Variants in STXBP5 observed in about 807,000 individuals in gnomAD.
STXBP5 encodes the protein syntaxin binding protein 5, also known as syntaxin-binding protein 5.
In STXBP5, 50 loss-of-function variants were observed where a neutral mutation model predicts 152.4. That is an observed-to-expected ratio of 0.33 (90% CI 0.26 to 0.42). The LOEUF (loss-of-function observed/expected upper bound fraction) is 0.42. Among genes scored for constraint, STXBP5 ranks in the 10% least tolerant of loss-of-function variants. STXBP5 has a pLI of 1.00. For synonymous variants in STXBP5, 492 were observed against 494.7 expected (o/e 0.99, Z 0.07); for missense variants, 1,167 against 1,388.6 (o/e 0.84, Z 2.54).
At chr6:147,337,584 GAT>G (rs1783893537) in intron 19 of STXBP5, among the ~76,000 whole-genome samples, 1 of 151,686 alleles carries the variant, frequency 6.6e-6, no homozygotes, top group Admixed American at 6.6e-5. Flanking sequence ...ATTATGTATA[GAT>G]ATGTTATCCT....
chr6:147,235,143 C>A, intron 2 of STXBP5, 107 bp from the exon 3 acceptor site: 1 of 837,786 alleles, frequency 1.2e-6, no homozygotes, highest in Non-Finnish European at 1.9e-6. Context: ...AGTAAATGGC[C>A]TGTATTGAAT....
intron 23 of STXBP5, among the ~76,000 whole-genome samples, chr6:147,362,666 A>G (rs1007824435): frequency 4.6e-5 from 7 of 152,220 alleles, no homozygotes; most frequent in Admixed American, 1.3e-4. Flanking sequence ...TAGAGATGCA[A>G]TGCAAAGCCA....
chr6:147,371,127 TCTA>T (rs1233530029), intron 25 of STXBP5, among the ~76,000 whole-genome samples: 2 of 152,174 alleles, frequency 1.3e-5, no homozygotes, highest in African/African-American at 4.8e-5. Flanking sequence ...AGAAATACCA[TCTA>T]CTATGAATAG....
rs1777187931 is a variant in STXBP5 at position 147,216,743 on chromosome 6, A to G, written c.248+10675A>G. On this transcript the variant is annotated intron_variant, in intron 2 of 27. Coordinates refer to ENST00000321680, the MANE Select transcript of STXBP5 (RefSeq NM_001127715.4). ...TAACATGCTGAGCATATTTCTTTAT[A>G]TTTATTGGAGCTATGATTTTAACGT... Among the ~76,000 whole-genome samples, 9 of 152,284 alleles carry G rather than the reference A, an allele frequency of 5.9e-5. No homozygotes were observed. In the South Asian group the frequency reaches 1.9e-3, roughly 32 times the overall value.
chr6:147,255,276 G>A (rs577195353), intron 4 of STXBP5, among the ~76,000 whole-genome samples: 221 of 152,036 alleles, frequency 1.5e-3, no homozygotes, highest in African/African-American at 4.8e-3. Flanking sequence ...TGAGAACACA[G>A]AAGTGAACAT....
chr6:147,299,102 TAAAATC>T (rs1223464197), intron 9 of STXBP5, among the ~76,000 whole-genome samples: 1 of 151,918 alleles, frequency 6.6e-6, no homozygotes, highest in Non-Finnish European at 1.5e-5. Flanking sequence ...TCTGAAAAGT[TAAAATC>T]AAACCTTTAG....
intron 21 of STXBP5, among the ~76,000 whole-genome samples, chr6:147,339,908 G>A (rs1451221088): frequency 6.6e-6 from 1 of 151,916 alleles, no homozygotes; most frequent in East Asian, 1.9e-4. Flanking sequence ...TGCTTCTTGT[G>A]ATTGTTTTTG....
chr6:147,241,324 C>A (rs1460257430), intron 4 of STXBP5, among the ~76,000 whole-genome samples: 1 of 152,096 alleles, frequency 6.6e-6, no homozygotes, highest in Non-Finnish European at 1.5e-5. Flanking sequence ...TAATAAGGTT[C>A]ACTATTTGTG....
chr6:147,260,571 G>A (rs750083526), intron 4 of STXBP5, 44 bp from the exon 5 acceptor site: 1 of 1,611,504 alleles, frequency 6.2e-7, no homozygotes, highest in South Asian at 1.1e-5. Context: ...AGTAAAATTT[G>A]CCATTTTTCA....
At chr6:147,213,634 G>A (rs1230985353) in intron 2 of STXBP5, among the ~76,000 whole-genome samples, 1 of 151,872 alleles carries the variant, frequency 6.6e-6, no homozygotes, top group Admixed American at 6.6e-5. Flanking sequence ...TTAATAATTA[G>A]GATATCAGTA....
At chr6:147,223,045 A>G (rs1777537442) in intron 2 of STXBP5, among the ~76,000 whole-genome samples, 1 of 152,214 alleles carries the variant, frequency 6.6e-6, no homozygotes, top group Non-Finnish European at 1.5e-5. Flanking sequence ...CACTTCTCTT[A>G]CAGATCTTTA....
intron 9 of STXBP5, among the ~76,000 whole-genome samples, chr6:147,295,707 C>T (rs1781486086): frequency 6.6e-6 from 1 of 152,192 alleles, no homozygotes; most frequent in South Asian, 2.1e-4. Context: ...CCACTGCAGG[C>T]ACATGCAGTC....
At chr6:147,290,436 C>T (rs375499665) in intron 8 of STXBP5, among the ~76,000 whole-genome samples, 2 of 152,082 alleles carry the variant, frequency 1.3e-5, no homozygotes, top group East Asian at 3.9e-4. Flanking sequence ...ATAATGTGGA[C>T]AGTGGTTAAT....
At chr6:147,323,580 C>T (rs1224304382) in intron 16 of STXBP5, among the ~76,000 whole-genome samples, 8 of 152,082 alleles carry the variant, frequency 5.3e-5, no homozygotes, top group East Asian at 3.9e-4. Context: ...TTAGTAGAGA[C>T]GGGGTTTCGC....
At chr6:147,307,831 A>G (rs1046950802) in intron 9 of STXBP5, among the ~76,000 whole-genome samples, 1 of 152,236 alleles carries the variant, frequency 6.6e-6, no homozygotes, top group Non-Finnish European at 1.5e-5. Context: ...CAGGCAGCCT[A>G]CAAAGCCACG....
intron 21 of STXBP5, chr6:147,351,998 C>G (rs759984462): frequency 1.1e-5 from 5 of 449,500 alleles, no homozygotes; most frequent in Non-Finnish European, 1.2e-5. Flanking sequence ...AAGCACTTTT[C>G]TTTTACGCAT....
At chr6:147,271,274 T>C (rs1208446887) in intron 7 of STXBP5, among the ~76,000 whole-genome samples, 1 of 152,082 alleles carries the variant, frequency 6.6e-6, no homozygotes, top group East Asian at 1.9e-4. Flanking sequence ...AAAAGTAATA[T>C]TAGCAGTAAT....
Position 147,269,183 on chromosome 6 carries a change from CAG to C in STXBP5, c.714+2017_714+2018del, listed in dbSNP as rs1184703505. On this transcript the variant is annotated intron_variant, in intron 7 of 27. Transcript: ENST00000321680. Reference sequence around the variant, plus strand: ...AGTAGAACCATTTCTGTAGCACAGACAGGACTGGGAATAGTTCACATTCCCAA... The same window carrying C: ...AGTAGAACCATTTCTGTAGCACAGACGACTGGGAATAGTTCACATTCCCAA... Among the ~76,000 whole-genome samples, 4 of 152,214 alleles carry C rather than the reference CAG, an allele frequency of 2.6e-5. No individual in the cohort carries two copies. In the East Asian group the frequency reaches 7.7e-4, roughly 29 times the overall value.
At chr6:147,330,516 G>A (rs1783514682) in intron 18 of STXBP5, among the ~76,000 whole-genome samples, 2 of 151,718 alleles carry the variant, frequency 1.3e-5, no homozygotes, top group South Asian at 4.2e-4. Context: ...AGTTGGTGAA[G>A]GTCAAACATT....
Sources: allele counts gnomAD v4.1 joint callset (sites outside exome capture counted in the v4.1 genomes callset), GRCh38; gene constraint gnomAD v4.1.1; transcripts MANE v1.5; gene names NCBI Gene and HGNC (gene_info 2026-07-23, HGNC 2026-07-21).